Variants in TCF20 observed in about 807,000 individuals in gnomAD.
TCF20 encodes the protein SPRE-binding protein.
TCF20 carries 3 observed loss-of-function variants against 148.6 expected under a neutral mutation model. The ratio of observed to expected loss-of-function variants is 0.02; its 90% CI spans 0.01 to 0.05. TCF20 has a LOEUF of 0.05. Ranked by LOEUF, TCF20 falls within the 10% of genes least tolerant of loss-of-function variation. TCF20 has a pLI of 1.00. For missense variants in TCF20, 2,350 were observed against 2,429.3 expected (o/e 0.97, Z 0.69); for synonymous variants, 1,049 against 909.5 (o/e 1.15, Z -2.76).
chr22:42,174,774 G>GC (rs1488745028), intron 3 of TCF20, among the ~76,000 whole-genome samples: 2 of 151,226 alleles, frequency 1.3e-5, no homozygotes, highest in African/African-American at 4.9e-5. Flanking sequence ...GGTGGCTCAC[G>GC]CCTGTAATCC....
chr22:42,190,459 G>GACACACACAC (rs34881449), intron 2 of TCF20, among the ~76,000 whole-genome samples: 1 of 149,338 alleles, frequency 6.7e-6, no homozygotes, highest in South Asian at 2.1e-4. Flanking sequence ...GACCTTGACT[G>GACACACACAC]ACACACACAC....
At chr22:42,246,967 A>C (rs1248624935) in intron 1 of TCF20, among the ~76,000 whole-genome samples, 1 of 150,640 alleles carries the variant, frequency 6.6e-6, no homozygotes, top group Non-Finnish European at 1.5e-5. Context: ...CTCTGTCTCA[A>C]AAAATTAAAA....
intron 1 of TCF20, among the ~76,000 whole-genome samples, chr22:42,233,612 C>A (rs1027884899): frequency 6.6e-6 from 1 of 152,214 alleles, no homozygotes; most frequent in African/African-American, 2.4e-5. Flanking sequence ...CTATTTCCCC[C>A]ACAGCGTGGG....
intron 1 of TCF20, among the ~76,000 whole-genome samples, chr22:42,311,963 G>C (rs1426893198): frequency 6.6e-6 from 1 of 152,136 alleles, no homozygotes; most frequent in Non-Finnish European, 1.5e-5. Context: ...AAGAACTTAG[G>C]GCAACAGTTA....
At chr22:42,323,318 G>GGGTGGC (rs148576537) in intron 1 of TCF20, among the ~76,000 whole-genome samples, 17,040 of 151,762 alleles carry the variant, frequency 0.11, 1,824 homozygotes, top group African/African-American at 0.26. Flanking sequence ...TGGGATGGCA[G>GGGTGGC]GGTGGCAGTG....
intron 1 of TCF20, among the ~76,000 whole-genome samples, chr22:42,255,691 G>A (rs933387230): frequency 6.6e-6 from 1 of 152,046 alleles, no homozygotes; most frequent in Non-Finnish European, 1.5e-5. Context: ...AGGGCTTTGG[G>A]CATGAGAAAA....
intron 1 of TCF20, among the ~76,000 whole-genome samples, chr22:42,276,087 C>T (rs567956828): frequency 1.3e-5 from 2 of 152,312 alleles, no homozygotes; most frequent in Non-Finnish European, 2.9e-5. Context: ...AGACTTTTAG[C>T]CACATCATTG....
At position 42,169,877 on chromosome 22, in the gene TCF20, C is replaced by T. The variant is rs1173795049; in HGVS notation, c.5769G>A (p.Glu1923=). 1 of 1,613,550 alleles carries T rather than the reference C, an allele frequency of 6.2e-7. No individual in the cohort carries two copies. The highest frequency in any genetic ancestry group is 1.1e-5 in the South Asian group (1 of 91,070). The change falls in exon 4 of 6, where the codon GAG becomes GAA. Residue 1923 remains glutamate, a synonymous_variant. Coordinates refer to ENST00000677622, the MANE Select transcript of TCF20 (RefSeq NM_001378418.1). ...AIDADCLLHE[E]NFSVRCPKHK... Reference sequence around the variant, plus strand: ...GCTTAGGGCACCTCACCGAGAAGTTCTCCTCATGTAGCAAACAATCTGGAA... The same window carrying T: ...GCTTAGGGCACCTCACCGAGAAGTTTTCCTCATGTAGCAAACAATCTGGAA...
chr22:42,183,419 C>G (rs547430134), intron 2 of TCF20, among the ~76,000 whole-genome samples: 12 of 152,176 alleles, frequency 7.9e-5, no homozygotes, highest in African/African-American at 2.7e-4. Context: ...TAAAAGCAAA[C>G]GATTCCCCCC....
In TCF20 at chr22:42,310,630, T is replaced by TACAGTGGAGAGGACTGGCGTG. The variant is rs374345532; in HGVS notation, c.-37+32828_-37+32848dup. Among the ~76,000 whole-genome samples the TACAGTGGAGAGGACTGGCGTG allele has an allele frequency of 9.2e-3, 1,394 of 152,188 alleles. 18 individuals carry two copies. The highest frequency in any genetic ancestry group is 0.032 in the African/African-American group (1,325 of 41,498). On this transcript the variant is annotated intron_variant, in intron 1 of 1. Transcript: ENST00000515426. ...GAAGTGGCAGCCCGCATGGCTGGAA[T>TACAGTGGAGAGGACTGGCGTG]ACAGTGGAGAGGACTGGCGTGGCAA...
chr22:42,293,727 C>T (rs1263230791), intron 1 of TCF20, among the ~76,000 whole-genome samples: 6 of 152,348 alleles, frequency 3.9e-5, no homozygotes, highest in Middle Eastern at 6.8e-3. Context: ...TCAGGCTGGG[C>T]GCGGTGGCTC....
intron 1 of TCF20, among the ~76,000 whole-genome samples, chr22:42,263,507 T>C (rs1326902222): frequency 6.6e-6 from 1 of 152,148 alleles, no homozygotes; most frequent in Non-Finnish European, 1.5e-5. Context: ...CTTTTTCAAT[T>C]CTAGAAACCC....
chr22:42,234,231 T>C (rs183295858), intron 1 of TCF20, among the ~76,000 whole-genome samples: 21 of 152,320 alleles, frequency 1.4e-4, no homozygotes, highest in South Asian at 1.2e-3. Flanking sequence ...GACAAACAGA[T>C]TTTAATGTGT....
At chr22:42,165,491 A>G (rs539942674) in intron 5 of TCF20, among the ~76,000 whole-genome samples, 2 of 152,368 alleles carry the variant, frequency 1.3e-5, no homozygotes, top group East Asian at 3.9e-4. Context: ...CAATGACACA[A>G]GCCAGCAAGG....
intron 5 of TCF20, 44 bp from the exon 6 acceptor site, chr22:42,161,402 G>A: frequency 6.2e-7 from 1 of 1,613,736 alleles, no homozygotes; most frequent in Non-Finnish European, 8.5e-7. Flanking sequence ...AGCCTCCACA[G>A]GGTCCACCAC....
chr22:42,296,168 G>A (rs933317078), intron 1 of TCF20, among the ~76,000 whole-genome samples: 5 of 152,044 alleles, frequency 3.3e-5, no homozygotes, highest in Non-Finnish European at 7.4e-5. Flanking sequence ...TGGCAGTGCA[G>A]GATCACCATC....
chr22:42,335,672 G>A (rs1569212520), intron 1 of TCF20, among the ~76,000 whole-genome samples: 1 of 152,208 alleles, frequency 6.6e-6, no homozygotes, highest in Non-Finnish European at 1.5e-5. Flanking sequence ...CATAGCAGGG[G>A]CAGAGACCTG....
chr22:42,339,208 C>T (rs1434558849), intron 1 of TCF20, among the ~76,000 whole-genome samples: 1 of 150,506 alleles, frequency 6.6e-6, no homozygotes, highest in Admixed American at 6.6e-5. Flanking sequence ...ACAAGGTGGG[C>T]ACTTACTGGT....
intron 1 of TCF20, among the ~76,000 whole-genome samples, chr22:42,228,319 TGA>T: frequency 6.6e-6 from 1 of 152,152 alleles, no homozygotes; most frequent in East Asian, 1.9e-4. Context: ...GAAGTGGACA[TGA>T]GAGTCATAAC....
Sources: gnomAD v4.1 joint callset for allele counts (sites outside exome capture counted in the v4.1 genomes callset) on GRCh38, gnomAD v4.1.1 for gene constraint, MANE v1.5 for transcripts, NCBI Gene and HGNC (gene_info 2026-07-23, HGNC 2026-07-21) for gene names.